DLGAP4: variants seen among roughly 807,000 people sequenced by gnomAD.
DLGAP4 encodes the protein DLG associated protein 4.
DLGAP4 carries 18 observed loss-of-function variants against 86.9 expected under a neutral mutation model. That is an observed-to-expected ratio of 0.21 (90% CI 0.14 to 0.31). The LOEUF is 0.31. Ranked by LOEUF, DLGAP4 falls within the 10% of genes least tolerant of loss-of-function variation. DLGAP4 has a pLI of 1.00. For synonymous variants in DLGAP4, 548 were observed against 574.3 expected (o/e 0.95, Z 0.65); for missense variants, 1,085 against 1,362.6 (o/e 0.80, Z 3.21).
chr20:36,317,355 C>A (rs1336718265), intron 1 of DLGAP4, among the ~76,000 whole-genome samples: 1 of 147,196 alleles, frequency 6.8e-6, no homozygotes, highest in Admixed American at 6.9e-5. Flanking sequence ...TTCCTTCTCT[C>A]TTTCTTTCTT....
At chr20:36,401,551 T>C (rs780395894) in intron 2 of DLGAP4, among the ~76,000 whole-genome samples, 1 of 152,226 alleles carries the variant, frequency 6.6e-6, no homozygotes, top group African/African-American at 2.4e-5. Context: ...AGTGCCCTAG[T>C]GCTGAGCAAG....
chr20:36,347,741 AC>A (rs2029992994), intron 1 of DLGAP4, among the ~76,000 whole-genome samples: 1 of 150,732 alleles, frequency 6.6e-6, no homozygotes, highest in African/African-American at 2.4e-5. Flanking sequence ...CAGGAGGATC[AC>A]TTGGGCCCAA....
chr20:36,309,507 G>T (rs1210854192), intron 1 of DLGAP4, among the ~76,000 whole-genome samples: 1 of 152,232 alleles, frequency 6.6e-6, no homozygotes, highest in African/African-American at 2.4e-5. Context: ...CTGGCCTCCA[G>T]CTGGGTCTGC....
intron 12 of DLGAP4, 106 bp from the exon 13 acceptor site, chr20:36,526,707 G>T (rs2037791250): frequency 9.6e-7 from 1 of 1,041,588 alleles, no homozygotes; most frequent in Admixed American, 2.9e-5. Flanking sequence ...CCGATGCGGG[G>T]AGGCTGGGGT....
chr20:36,511,411 C>T (rs551514152), intron 10 of DLGAP4, among the ~76,000 whole-genome samples: 2 of 151,980 alleles, frequency 1.3e-5, no homozygotes, highest in African/African-American at 2.4e-5. Context: ...ACTATGTTGT[C>T]CAGGCTGGTC....
chr20:36,368,738 A>G (rs2030796760), intron 2 of DLGAP4, among the ~76,000 whole-genome samples: 2 of 152,242 alleles, frequency 1.3e-5, no homozygotes, highest in Admixed American at 6.5e-5. Context: ...CAGGGACTAA[A>G]TGTGTAATGA....
At chr20:36,340,524 C>T (rs1168355252) in intron 1 of DLGAP4, among the ~76,000 whole-genome samples, 2 of 152,170 alleles carry the variant, frequency 1.3e-5, no homozygotes, top group Admixed American at 6.5e-5. Flanking sequence ...CCAGTGCCCC[C>T]GACACCTATG....
intron 12 of DLGAP4, 157 bp downstream of exon 12, chr20:36,526,163 C>A: frequency 1.9e-6 from 2 of 1,070,300 alleles, no homozygotes; most frequent in Non-Finnish European, 1.4e-6. Context: ...ATGCTTGGCA[C>A]TTGTCTGGCA....
chr20:36,523,876 T>G (rs1007048375), intron 10 of DLGAP4, among the ~76,000 whole-genome samples: 1 of 152,164 alleles, frequency 6.6e-6, no homozygotes, highest in Admixed American at 6.5e-5. Context: ...CTGCCCAGGC[T>G]GGTCTTTAAC....
chr20:36,417,764 G>GT (rs1201913428), intron 2 of DLGAP4, among the ~76,000 whole-genome samples: 1 of 94,096 alleles, frequency 1.1e-5, no homozygotes, highest in East Asian at 3.1e-4. Flanking sequence ...GGTTTGGTGG[G>GT]TTTTTTTGGT....
rs2032395604 is a variant in DLGAP4 at position 36,408,629 on chromosome 20, T to C, written c.-72-23017T>C. Among the ~76,000 whole-genome samples, 8 of 152,320 alleles carry C rather than the reference T, an allele frequency of 5.3e-5. No homozygotes were observed. The South Asian group carries it at 1.7e-3, about 32-fold the overall frequency. On this transcript the variant is annotated intron_variant, in intron 2 of 12. Coordinates refer to ENST00000339266, the MANE Select transcript of DLGAP4 (RefSeq NM_001365621.2). ...CTCAGAGTAAGAAGCCCCTGTGGGCTCTTTGCACAGCCTGGGCTCACCTTT... is the reference window on the plus strand; with the variant it reads ...CTCAGAGTAAGAAGCCCCTGTGGGCCCTTTGCACAGCCTGGGCTCACCTTT...
At chr20:36,331,798 T>A (rs4519594) in intron 1 of DLGAP4, among the ~76,000 whole-genome samples, 4 of 152,058 alleles carry the variant, frequency 2.6e-5, no homozygotes, top group Non-Finnish European at 5.9e-5. Context: ...GGGTGACAGG[T>A]GTCTGCTGGG....
intron 7 of DLGAP4, among the ~76,000 whole-genome samples, chr20:36,454,136 G>C (rs773535197): frequency 6.7e-6 from 1 of 150,282 alleles, no homozygotes; most frequent in Non-Finnish European, 1.5e-5. Context: ...CTGGGCGCCT[G>C]TAATCCTAGC....
At chr20:36,516,481 C>T (rs972423084) in intron 10 of DLGAP4, among the ~76,000 whole-genome samples, 1 of 151,832 alleles carries the variant, frequency 6.6e-6, no homozygotes, top group Non-Finnish European at 1.5e-5. Flanking sequence ...GCCTGGGCAA[C>T]ATGGTGAAAC....
chr20:36,464,419 G>A (rs1259971486), intron 7 of DLGAP4, among the ~76,000 whole-genome samples: 2 of 152,190 alleles, frequency 1.3e-5, no homozygotes, highest in African/African-American at 4.8e-5. Flanking sequence ...AATTAGCTGG[G>A]TGTGGTGGCA....
At chr20:36,371,288 C>T (rs556484074) in intron 2 of DLGAP4, among the ~76,000 whole-genome samples, 2 of 152,196 alleles carry the variant, frequency 1.3e-5, no homozygotes, top group African/African-American at 4.8e-5. Flanking sequence ...TTCATTCATG[C>T]GTTCCAAGGA....
At chr20:36,405,257 C>T (rs1569487880) in intron 2 of DLGAP4, among the ~76,000 whole-genome samples, 1 of 152,168 alleles carries the variant, frequency 6.6e-6, no homozygotes, top group Non-Finnish European at 1.5e-5. Flanking sequence ...GGCCTGGGTT[C>T]AAATCCCATC....
rs562544932 is a variant in DLGAP4 at position 36,485,770 on chromosome 20, G to A, written c.1649-10935G>A. On this transcript the variant is annotated intron_variant, in intron 7 of 12. Coordinates refer to ENST00000339266, the MANE Select transcript of DLGAP4 (RefSeq NM_001365621.2). The stretch of plus-strand genomic sequence containing the variant: ...AAAGTAGCACCTGGCCCAGGCCTCC[G>A]TAATGATTCTTTTAAATCTGTACAA... 3.9e-5 allele frequency among the ~76,000 whole-genome samples: 6 copies of A among 152,326 alleles called. No homozygotes were observed. In the South Asian group the frequency reaches 8.3e-4, roughly 21 times the overall value.
At chr20:36,462,166 G>T in intron 7 of DLGAP4, 1 of 1,043,786 alleles carries the variant, frequency 9.6e-7, no homozygotes, top group Non-Finnish European at 1.2e-6. Context: ...TCCACTGGGA[G>T]CTCCTAGGTC....
Sources: gnomAD v4.1 joint callset for allele counts (sites outside exome capture counted in the v4.1 genomes callset) on GRCh38, gnomAD v4.1.1 for gene constraint, MANE v1.5 for transcripts, NCBI Gene and HGNC (gene_info 2026-07-23, HGNC 2026-07-21) for gene names.